The following NDST3 variants were observed in gnomAD, a reference collection of about 807,000 sequenced individuals.
The protein encoded by NDST3 is N-deacetylase and N-sulfotransferase 3, also known as bifunctional heparan sulfate N-deacetylase/N-sulfotransferase 3.
NDST3 carries 58 observed loss-of-function variants against 96.1 expected under a neutral mutation model. The ratio of observed to expected loss-of-function variants is 0.60; its 90% CI spans 0.49 to 0.75. NDST3 has a LOEUF of 0.75. Ranked by LOEUF, NDST3 falls within the 30% of genes least tolerant of loss-of-function variation. The pLI is 0.00. For synonymous variants in NDST3, 333 were observed against 359.7 expected, an observed-to-expected ratio of 0.93 and a Z score of 0.84; for missense variants, 788 against 1,034.2, an observed-to-expected ratio of 0.76 and a Z score of 3.27.
At chr4:118,182,345 T>C (rs958765700) in intron 6 of NDST3, among the ~76,000 whole-genome samples, 1 of 152,178 alleles carries the variant, frequency 6.6e-6, no homozygotes, top group East Asian at 1.9e-4. Context: ...ATTTTTCGTA[T>C]AGTGACTCAA....
intron 4 of NDST3, among the ~76,000 whole-genome samples, chr4:118,119,683 T>G (rs1472984347): frequency 6.6e-6 from 1 of 152,214 alleles, no homozygotes; most frequent in Non-Finnish European, 1.5e-5. Flanking sequence ...AAGGGATATA[T>G]TATCAGGGCT....
At chr4:118,095,335 CAAGTAATGT>C (rs1296957342) in intron 2 of NDST3, among the ~76,000 whole-genome samples, 2 of 151,862 alleles carry the variant, frequency 1.3e-5, no homozygotes, top group African/African-American at 4.8e-5. Context: ...AGGCAAGGAC[CAAGTAATGT>C]AAGGATTTTT....
At chr4:118,096,835 G>GA (rs962599503) in intron 2 of NDST3, among the ~76,000 whole-genome samples, 2 of 151,914 alleles carry the variant, frequency 1.3e-5, no homozygotes, top group Non-Finnish European at 1.5e-5. Context: ...GTCCAGGTTT[G>GA]AAAATCTGAG....
intron 2 of NDST3, among the ~76,000 whole-genome samples, chr4:118,056,168 G>T (rs1725415820): frequency 1.3e-5 from 2 of 151,808 alleles, no homozygotes; most frequent in Non-Finnish European, 2.9e-5. Context: ...CATTTCAAAT[G>T]ATTTTGGTGA....
At chr4:118,100,438 G>A (rs893726925) in intron 2 of NDST3, among the ~76,000 whole-genome samples, 1 of 151,846 alleles carries the variant, frequency 6.6e-6, no homozygotes, top group African/African-American at 2.4e-5. Flanking sequence ...GTAATAAATG[G>A]CCTCCTATAT....
At chr4:118,204,290 A>G (rs1478416750) in intron 6 of NDST3, among the ~76,000 whole-genome samples, 1 of 104 alleles carries the variant, frequency 9.6e-3, no homozygotes, top group Admixed American at 0.17. Context: ...CATCTGTTTA[A>G]AAAAAAAAAA....
At chr4:118,154,259 C>G (rs573014080) in intron 6 of NDST3, among the ~76,000 whole-genome samples, 1 of 152,090 alleles carries the variant, frequency 6.6e-6, no homozygotes, top group African/African-American at 2.4e-5. Context: ...TAACACCTGC[C>G]CCACAGTGTG....
At chr4:118,077,775 T>C (rs377458966) in intron 2 of NDST3, among the ~76,000 whole-genome samples, 194 of 151,916 alleles carry the variant, frequency 1.3e-3, no homozygotes, top group African/African-American at 4.5e-3. Context: ...GCAGCAGGAG[T>C]GGGTGGAGCC....
intron 9 of NDST3, among the ~76,000 whole-genome samples, chr4:118,236,060 A>G (rs1740625596): frequency 6.6e-6 from 1 of 152,238 alleles, no homozygotes; most frequent in South Asian, 2.1e-4. Context: ...CATTGCATGA[A>G]TATTAATGAC....
chr4:118,176,615 T>G (rs1736296168), intron 6 of NDST3, among the ~76,000 whole-genome samples: 1 of 152,190 alleles, frequency 6.6e-6, no homozygotes, highest in East Asian at 1.9e-4. Flanking sequence ...CATAATGATA[T>G]AGAGAAATAA....
chr4:118,148,142 C>T (rs1017682435), intron 6 of NDST3, among the ~76,000 whole-genome samples: 1 of 151,998 alleles, frequency 6.6e-6, no homozygotes, highest in African/African-American at 2.4e-5. Context: ...ACTAAAAATA[C>T]AAAAAATTAG....
intron 7 of NDST3, among the ~76,000 whole-genome samples, chr4:118,226,534 G>C (rs1474294770): frequency 6.6e-6 from 1 of 152,038 alleles, no homozygotes; most frequent in Non-Finnish European, 1.5e-5. Context: ...ATTGAATACT[G>C]AGTGTATCAT....
At chr4:118,253,842 T>C (rs567924023) in intron 13 of NDST3, among the ~76,000 whole-genome samples, 17 of 152,268 alleles carry the variant, frequency 1.1e-4, no homozygotes, top group African/African-American at 3.9e-4. Context: ...AAAGAGATAA[T>C]ATCTTATTCC....
At chr4:118,241,171 T>G (rs1391373648) in intron 11 of NDST3, among the ~76,000 whole-genome samples, 1 of 151,880 alleles carries the variant, frequency 6.6e-6, no homozygotes, top group East Asian at 1.9e-4. Flanking sequence ...TCCAGACACA[T>G]CAGACATGGT....
chr4:118,160,178 C>T (rs893508660), intron 6 of NDST3, among the ~76,000 whole-genome samples: 8 of 152,084 alleles, frequency 5.3e-5, no homozygotes, highest in South Asian at 2.1e-4. Flanking sequence ...TGATTCATCA[C>T]ATAAAAGGGA....
intron 6 of NDST3, among the ~76,000 whole-genome samples, chr4:118,203,262 G>A (rs1042528773): frequency 6.6e-6 from 1 of 152,100 alleles, no homozygotes; most frequent in African/African-American, 2.4e-5. Flanking sequence ...AGAGATATTG[G>A]TCTAAAGTTT....
chr4:118,154,592 A>G (rs955245787), intron 6 of NDST3, among the ~76,000 whole-genome samples: 38 of 152,314 alleles, frequency 2.5e-4, no homozygotes, highest in African/African-American at 7.7e-4. Context: ...GCAGGTTTTC[A>G]TAAGTGATGA....
intron 12 of NDST3, among the ~76,000 whole-genome samples, chr4:118,244,256 G>A (rs10518291): frequency 0.03 from 4,604 of 152,206 alleles, 77 homozygotes; most frequent in African/African-American, 0.048. Flanking sequence ...GCCCTTTGTA[G>A]TTGTTTATCT....
At chr4:118,126,650 A>G (rs544876986) in intron 4 of NDST3, among the ~76,000 whole-genome samples, 5 of 152,014 alleles carry the variant, frequency 3.3e-5, no homozygotes, top group Admixed American at 2.6e-4. Flanking sequence ...GCTGCAACGA[A>G]CATGAGAGTG....
Sources: allele counts gnomAD v4.1 joint callset (sites outside exome capture counted in the v4.1 genomes callset), GRCh38; gene constraint gnomAD v4.1.1; transcripts MANE v1.5; gene names NCBI Gene and HGNC (gene_info 2026-07-23, HGNC 2026-07-21).